BCKDHB: variants seen among roughly 807,000 people sequenced by gnomAD.
BCKDHB encodes the protein 2-oxoisovalerate dehydrogenase subunit beta, mitochondrial.
A neutral mutation model predicts 48.5 loss-of-function variants in BCKDHB; 41 were observed. The ratio of observed to expected loss-of-function variants is 0.85; its 90% confidence interval spans 0.66 to 1.10. BCKDHB has a LOEUF of 1.10. BCKDHB is among the 50% of genes least tolerant of loss of function. The probability of loss-of-function intolerance (pLI) is 0.00; values close to 1 mark genes in which losing one functional copy is unlikely to be tolerated. For missense variants in BCKDHB, 496 were observed against 494.2 expected (o/e 1.00, Z -0.03); for synonymous variants, 201 against 174.8 (o/e 1.15, Z -1.18).
At chr6:80,288,898 AT>A (rs1315834914) in intron 9 of BCKDHB, among the ~76,000 whole-genome samples, 13 of 152,136 alleles carry the variant, frequency 8.5e-5, no homozygotes, top group Admixed American at 7.9e-4. Context: ...TAAGTAACAC[AT>A]AGTATTGGGA....
intron 9 of BCKDHB, among the ~76,000 whole-genome samples, chr6:80,310,405 A>C (rs895286577): frequency 2.0e-5 from 3 of 152,198 alleles, no homozygotes; most frequent in African/African-American, 7.2e-5. Flanking sequence ...TTCCAGCTCC[A>C]TCCATGTCCC....
the BCKDHB span, among the ~76,000 whole-genome samples, chr6:80,409,830 A>T: frequency 6.6e-6 from 1 of 151,504 alleles, no homozygotes; most frequent in Non-Finnish European, 1.5e-5. Flanking sequence ...TGCACATGAA[A>T]TGGGTCTCCT....
At chr6:80,413,253 T>C in the BCKDHB span, among the ~76,000 whole-genome samples, 5 of 152,122 alleles carry the variant, frequency 3.3e-5, no homozygotes, top group Non-Finnish European at 7.4e-5. Context: ...CAAAAAAAAG[T>C]TAATAAATTT....
chr6:80,302,892 G>A (rs560251123), intron 9 of BCKDHB, among the ~76,000 whole-genome samples: 1 of 152,256 alleles, frequency 6.6e-6, no homozygotes, highest in South Asian at 2.1e-4. Context: ...CATATGGAAT[G>A]AAGCAGCTTT....
chr6:80,310,968 G>A (rs1398007298), intron 9 of BCKDHB, among the ~76,000 whole-genome samples: 1 of 151,918 alleles, frequency 6.6e-6, no homozygotes, highest in African/African-American at 2.4e-5. Flanking sequence ...TTGTAAATTT[G>A]TTTAAGTTCC....
chr6:80,170,160 T>C (rs1457431325), intron 5 of BCKDHB, among the ~76,000 whole-genome samples: 2 of 152,162 alleles, frequency 1.3e-5, no homozygotes, highest in East Asian at 1.9e-4. Context: ...TTGTGTGATA[T>C]GGTTATTAAT....
chr6:80,220,357 A>G (rs1287366140), intron 8 of BCKDHB, among the ~76,000 whole-genome samples: 1 of 40,318 alleles, frequency 2.5e-5, no homozygotes, highest in African/African-American at 7.1e-5. Flanking sequence ...GGGTATATAC[A>G]TTTTTTTCAA....
chr6:80,446,581 C>G, the BCKDHB span, among the ~76,000 whole-genome samples: 6 of 152,088 alleles, frequency 3.9e-5, no homozygotes, highest in Non-Finnish European at 8.8e-5. Flanking sequence ...TTACCTCCTA[C>G]TCCAGTAATA....
the BCKDHB span, among the ~76,000 whole-genome samples, chr6:80,406,927 G>C: frequency 6.6e-6 from 1 of 152,152 alleles, no homozygotes; most frequent in Non-Finnish European, 1.5e-5. Flanking sequence ...TGAAGTCCTT[G>C]CCCATGCCTA....
the BCKDHB span, among the ~76,000 whole-genome samples, chr6:80,431,697 T>A: frequency 6.6e-6 from 1 of 152,216 alleles, no homozygotes; most frequent in African/African-American, 2.4e-5. Context: ...CATCCCTTTA[T>A]TTTGAGCCTA....
At chr6:80,111,459 A>T (rs966812381) in intron 1 of BCKDHB, among the ~76,000 whole-genome samples, 1 of 152,188 alleles carries the variant, frequency 6.6e-6, no homozygotes, top group Non-Finnish European at 1.5e-5. Flanking sequence ...CATTTTTGGC[A>T]GGGGACTGGC....
At chr6:80,460,417 C>T in the BCKDHB span, among the ~76,000 whole-genome samples, 1 of 152,276 alleles carries the variant, frequency 6.6e-6, no homozygotes, top group South Asian at 2.1e-4. Context: ...TTGACCTTCA[C>T]TTTAAGGGCA....
chr6:80,430,955 CT>C, the BCKDHB span, among the ~76,000 whole-genome samples: 1 of 151,980 alleles, frequency 6.6e-6, no homozygotes, highest in South Asian at 2.1e-4. Context: ...TTGTGGGTTT[CT>C]AGTGCTATAA....
At chr6:80,188,786 C>T (rs980637872) in intron 6 of BCKDHB, among the ~76,000 whole-genome samples, 2 of 152,008 alleles carry the variant, frequency 1.3e-5, no homozygotes, top group African/African-American at 4.8e-5. Context: ...TACCCTTGAA[C>T]ATAAAATAAA....
intron 6 of BCKDHB, among the ~76,000 whole-genome samples, chr6:80,178,130 C>T (rs1018224841): frequency 1.3e-5 from 2 of 152,194 alleles, no homozygotes; most frequent in African/African-American, 4.8e-5. Context: ...GGCCATGTGC[C>T]TCTATCTCAG....
At chr6:80,304,872 A>G (rs976029100) in intron 9 of BCKDHB, among the ~76,000 whole-genome samples, 1 of 152,154 alleles carries the variant, frequency 6.6e-6, no homozygotes, top group African/African-American at 2.4e-5. Context: ...CCAGCTTATC[A>G]TTAAAAGAAG....
At chr6:80,196,837 G>T (rs1774151833) in intron 6 of BCKDHB, among the ~76,000 whole-genome samples, 1 of 126,930 alleles carries the variant, frequency 7.9e-6, no homozygotes, top group South Asian at 2.6e-4. Flanking sequence ...CATGTACACG[G>T]AAGTGTATAT....
chr6:80,248,711 G>C (rs1035290327), intron 8 of BCKDHB, among the ~76,000 whole-genome samples: 3 of 152,132 alleles, frequency 2.0e-5, no homozygotes, highest in Non-Finnish European at 4.4e-5. Flanking sequence ...GTATCCAGTG[G>C]CTGGTGTGGT....
intron 9 of BCKDHB, among the ~76,000 whole-genome samples, chr6:80,332,714 A>C (rs1280812541): frequency 6.6e-6 from 1 of 151,402 alleles, no homozygotes; most frequent in African/African-American, 2.4e-5. Flanking sequence ...AGTAAAAAAA[A>C]AAAAAAAACA....
Sources: allele counts gnomAD v4.1 joint callset (sites outside exome capture counted in the v4.1 genomes callset), GRCh38; gene constraint gnomAD v4.1.1; transcripts MANE v1.5; gene names NCBI Gene and HGNC (gene_info 2026-07-23, HGNC 2026-07-21).